PCSK5: variants seen among roughly 807,000 people sequenced by gnomAD.
The protein encoded by PCSK5 is prohormone convertase 5.
In PCSK5, 129 loss-of-function variants were observed where a neutral mutation model predicts 233.2. The observed-to-expected ratio is 0.55, with a 90% CI of 0.48 to 0.64. The LOEUF is 0.64. PCSK5 is among the 30% of genes least tolerant of loss of function. The probability of loss-of-function intolerance (pLI) is 0.00; values close to 1 mark genes in which losing one functional copy is unlikely to be tolerated. For missense variants in PCSK5, 2,076 were observed against 2,430.1 expected, an observed-to-expected ratio of 0.85 and a Z score of 3.06; for synonymous variants, 825 against 879.2, an observed-to-expected ratio of 0.94 and a Z score of 1.09.
At chr9:75,986,002 AT>A (rs1826497234) in intron 2 of PCSK5, 129 bp from the exon 3 acceptor site, 2 of 619,084 alleles carry the variant, frequency 3.2e-6, no homozygotes, top group Admixed American at 3.0e-5. Flanking sequence ...AGACTCAGAG[AT>A]TTTAGTAGCC....
intron 9 of PCSK5, among the ~76,000 whole-genome samples, chr9:76,109,222 AAT>A (rs1219768440): frequency 6.6e-6 from 1 of 152,112 alleles, no homozygotes; most frequent in Non-Finnish European, 1.5e-5. Context: ...ATTTTTGAAA[AAT>A]ATATTGTTTT....
At position 76,338,240 on chromosome 9, in the gene PCSK5, G is replaced by C. The variant is rs761740360; in HGVS notation, c.4759G>C (p.Asp1587His). ...CTCCTTTGGTTTCAGATATTACGCA[G>C]ACAACTCCACTGGCCGGTGTGAGAG... is the stretch of plus-strand genomic sequence containing the variant. Reference protein sequence around the residue: ...LLQCREGYYADNSTGRCERCN... With the variant: ...LLQCREGYYAHNSTGRCERCN... The change falls in exon 35 of 38, where the codon GAC becomes CAC. Residue 1587 changes from aspartate to histidine, a missense_variant. Physicochemically the swap from Asp to His is moderately conservative, Grantham distance 81 (BLOSUM62 -1). This residue lies in a region of PCSK5 where 1,510 missense variants were observed against 1,538.1 expected (regional missense o/e 0.98). Coordinates refer to ENST00000674117, the MANE Select transcript of PCSK5 (RefSeq NM_001372043.1). 3.1e-6 allele frequency: 5 copies of C among 1,611,334 alleles called. No individual in the cohort carries two copies. The East Asian group carries it at 8.9e-5, about 29-fold the overall frequency.
intron 9 of PCSK5, among the ~76,000 whole-genome samples, chr9:76,131,602 T>C (rs899906801): frequency 6.6e-5 from 10 of 152,162 alleles, no homozygotes; most frequent in African/African-American, 2.2e-4. Flanking sequence ...CAGTCTGAGT[T>C]TGAATGCAGG....
At chr9:76,248,351 T>C (rs1826685955) in intron 24 of PCSK5, among the ~76,000 whole-genome samples, 1 of 151,736 alleles carries the variant, frequency 6.6e-6, no homozygotes, top group African/African-American at 2.4e-5. Flanking sequence ...ATTAGAGCAT[T>C]TTTTTTTAAA....
chr9:75,998,393 T>C (rs1827115620), intron 3 of PCSK5, among the ~76,000 whole-genome samples: 2 of 152,206 alleles, frequency 1.3e-5, no homozygotes, highest in Non-Finnish European at 2.9e-5. Context: ...TAGTGCTTAC[T>C]TTGAATCAGG....
chr9:76,087,275 C>A (rs572501379), intron 7 of PCSK5, among the ~76,000 whole-genome samples: 434 of 152,292 alleles, frequency 2.8e-3, no homozygotes, highest in African/African-American at 0.01. Flanking sequence ...GATGTTCTAC[C>A]AAATTTATAT....
chr9:76,160,015 G>A (rs980837143), intron 12 of PCSK5, among the ~76,000 whole-genome samples: 2 of 151,900 alleles, frequency 1.3e-5, no homozygotes, highest in Non-Finnish European at 2.9e-5. Flanking sequence ...TAGAGACGGG[G>A]TTTCACCACG....
At position 75,900,295 on chromosome 9, in the gene PCSK5, G is replaced by A. The variant is rs76229831; in HGVS notation, c.192+8922G>A. ...GGATATAATAACAAGAGTGATCCCC[G>A]CATACAATTGTTGTGAGGATGAGTT... On this transcript the variant is annotated intron_variant, in intron 1 of 37. Coordinates refer to ENST00000674117, the MANE Select transcript of PCSK5 (RefSeq NM_001372043.1). 1.7e-3 allele frequency among the ~76,000 whole-genome samples: 259 copies of A among 152,270 alleles called. 5 individuals carry two copies. The East Asian group carries it at 0.027, about 16-fold the overall frequency.
intron 12 of PCSK5, among the ~76,000 whole-genome samples, chr9:76,161,832 G>A (rs79895493): frequency 0.016 from 2,415 of 152,324 alleles, 88 homozygotes; most frequent in African/African-American, 0.054. Context: ...CAAGAGTGCT[G>A]CGTGACTTGT....
chr9:76,024,154 C>T (rs1284580767), intron 4 of PCSK5, among the ~76,000 whole-genome samples: 1 of 152,216 alleles, frequency 6.6e-6, no homozygotes, highest in Non-Finnish European at 1.5e-5. Flanking sequence ...CTACCAGCAA[C>T]ATTCGCTGTT....
rs147469719 is a variant in PCSK5 at position 75,891,259 on chromosome 9, G to A, written c.78G>A (p.Leu26=). The change falls in exon 1 of 38, where the codon CTG becomes CTA. Residue 26 remains leucine, a synonymous_variant. Coordinates refer to ENST00000674117, the MANE Select transcript of PCSK5 (RefSeq NM_001372043.1). Reference sequence around the variant, plus strand: ...TGCTGGCGCTGCTCGGGGGCTGCCTGCTCCCCGTGTGTCGGACGCGCGTCT... The same window carrying A: ...TGCTGGCGCTGCTCGGGGGCTGCCTACTCCCCGTGTGTCGGACGCGCGTCT... ...LCVLALLGGC[L]LPVCRTRVYT... 62 of 1,528,444 alleles carry A rather than the reference G, an allele frequency of 4.1e-5. No homozygotes were observed. The highest frequency in any genetic ancestry group is 4.9e-5 in the Non-Finnish European group (56 of 1,147,874). The allele number at this position is 1,528,444 out of a possible 1,614,324, so 94.7% of individuals were successfully genotyped here.
chr9:76,060,108 A>C (rs535254676), intron 5 of PCSK5, among the ~76,000 whole-genome samples: 1 of 152,322 alleles, frequency 6.6e-6, no homozygotes, highest in Admixed American at 6.5e-5. Context: ...AGAGGGAAGT[A>C]TGAGCTGCAA....
chr9:75,911,201 G>GTTTTTTTTTTTTTTTTTTTTTT lies in PCSK5; in HGVS notation c.192+19838_192+19859dup, dbSNP rs71370772. Among the ~76,000 whole-genome samples the GTTTTTTTTTTTTTTTTTTTTTT allele has an allele frequency of 1.6e-4, 8 of 48,764 alleles. 1 individual carries two copies. The highest frequency in any genetic ancestry group is 1.5e-3 in the East Asian group (2 of 1,362). 32.0% of individuals were successfully genotyped at this position (48,764 alleles called of 152,430 possible). On this transcript the variant is annotated intron_variant, in intron 1 of 37. Transcript: ENST00000674117. ...TGATACATTGCGTGTGAACATATAG[G>GTTTTTTTTTTTTTTTTTTTTTT]TTTTTTTTTTTTTTTTTTTTTTTTT...
intron 9 of PCSK5, among the ~76,000 whole-genome samples, chr9:76,125,688 G>A (rs145344657): frequency 6.6e-5 from 10 of 152,150 alleles, no homozygotes; most frequent in African/African-American, 2.4e-4. Flanking sequence ...TCTGTAGTAA[G>A]AAAGAGGGTT....
chr9:76,085,399 G>T (rs1182792902), intron 7 of PCSK5, among the ~76,000 whole-genome samples: 1 of 152,146 alleles, frequency 6.6e-6, no homozygotes, highest in South Asian at 2.1e-4. Context: ...AATTATCAGC[G>T]CTTCTCTTTC....
chr9:76,226,399 C>T (rs560027416), intron 20 of PCSK5, among the ~76,000 whole-genome samples: 2 of 152,262 alleles, frequency 1.3e-5, no homozygotes, highest in Admixed American at 6.5e-5. Context: ...CTCATTTCCT[C>T]ACCAGTCAAG....
chr9:75,909,472 A>T (rs1397921364), intron 1 of PCSK5, among the ~76,000 whole-genome samples: 2 of 151,054 alleles, frequency 1.3e-5, no homozygotes, highest in Non-Finnish European at 3.0e-5. Context: ...GAGGCGGGCG[A>T]ATCACCTGAG....
chr9:76,152,671 C>T (rs1254793318), intron 10 of PCSK5, among the ~76,000 whole-genome samples: 1 of 152,154 alleles, frequency 6.6e-6, no homozygotes, highest in Non-Finnish European at 1.5e-5. Flanking sequence ...TGTTAAATAG[C>T]TGGCTCCAGT....
intron 9 of PCSK5, among the ~76,000 whole-genome samples, chr9:76,128,624 T>C (rs747161410): frequency 3.3e-5 from 5 of 152,200 alleles, no homozygotes; most frequent in Non-Finnish European, 7.3e-5. Flanking sequence ...ACAAAATTTT[T>C]CTTTATAAAT....
Sources: allele counts gnomAD v4.1 joint callset (sites outside exome capture counted in the v4.1 genomes callset), GRCh38; gene constraint gnomAD v4.1.1; regional missense constraint gnomAD v4.1.1; transcripts MANE v1.5; gene names NCBI Gene and HGNC (gene_info 2026-07-23, HGNC 2026-07-21).